The following GALNTL6 variants were observed in gnomAD, a reference collection of about 807,000 sequenced individuals.
GALNTL6 encodes polypeptide N-acetylgalactosaminyltransferase like 6.
A neutral mutation model predicts 73.7 loss-of-function variants in GALNTL6; 46 were observed. That is an observed-to-expected ratio of 0.62 (90% CI 0.49 to 0.80). The LOEUF is 0.80. Ranked by LOEUF, GALNTL6 falls within the 30% of genes least tolerant of loss-of-function variation. GALNTL6 has a pLI of 0.00. For synonymous variants in GALNTL6, 259 were observed against 263.7 expected, an observed-to-expected ratio of 0.98 and a Z score of 0.17; for missense variants, 604 against 755.0, an observed-to-expected ratio of 0.80 and a Z score of 2.34.
chr4:172,927,062 T>C (rs927006147), intron 8 of GALNTL6, among the ~76,000 whole-genome samples: 1 of 152,140 alleles, frequency 6.6e-6, no homozygotes, highest in Non-Finnish European at 1.5e-5. Flanking sequence ...AGCAACCCCG[T>C]CCCCATCCAT....
chr4:172,915,217 A>G (rs1375111006), intron 8 of GALNTL6, among the ~76,000 whole-genome samples: 1 of 152,250 alleles, frequency 6.6e-6, no homozygotes, highest in Non-Finnish European at 1.5e-5. Flanking sequence ...CAAAGACAGA[A>G]CATACCAGAA....
intron 4 of GALNTL6, among the ~76,000 whole-genome samples, chr4:172,344,525 C>G (rs906545306): frequency 4.6e-5 from 7 of 152,202 alleles, no homozygotes; most frequent in African/African-American, 1.7e-4. Flanking sequence ...TGCTTCTACT[C>G]TTTGCCATCT....
intron 5 of GALNTL6, among the ~76,000 whole-genome samples, chr4:172,789,471 GC>G (rs934499179): frequency 1.3e-5 from 2 of 152,020 alleles, no homozygotes; most frequent in Non-Finnish European, 2.9e-5. Flanking sequence ...TTTATGTGTG[GC>G]CCAATATAAT....
chr4:172,666,761 T>C (rs1731690125), intron 5 of GALNTL6: 1 of 152,168 alleles, frequency 6.6e-6, no homozygotes, highest in Non-Finnish European at 1.5e-5. Flanking sequence ...ATTTAAAGCA[T>C]CTCCCTCTCT....
intron 8 of GALNTL6, among the ~76,000 whole-genome samples, chr4:172,890,043 A>AGGTG (rs1745945425): frequency 6.6e-6 from 1 of 152,128 alleles, no homozygotes; most frequent in East Asian, 1.9e-4. Flanking sequence ...GTATGCACAG[A>AGGTG]GGTGTTCATA....
chr4:172,309,228 C>A (rs1003659533), intron 3 of GALNTL6, among the ~76,000 whole-genome samples: 2 of 151,740 alleles, frequency 1.3e-5, no homozygotes, highest in African/African-American at 2.4e-5. Context: ...GCTGTCAGGG[C>A]TATTGAATTT....
At chr4:172,289,801 A>G (rs989314604) in intron 3 of GALNTL6, among the ~76,000 whole-genome samples, 1 of 152,188 alleles carries the variant, frequency 6.6e-6, no homozygotes, top group Non-Finnish European at 1.5e-5. Flanking sequence ...AGTGAGTAGT[A>G]TATGGTTCAG....
intron 2 of GALNTL6, among the ~76,000 whole-genome samples, chr4:171,924,235 G>T (rs1485972416): frequency 6.6e-6 from 1 of 150,846 alleles, no homozygotes; most frequent in Non-Finnish European, 1.5e-5. Flanking sequence ...CACAGAGTTT[G>T]TCCAGTGGTG....
intron 2 of GALNTL6, among the ~76,000 whole-genome samples, chr4:172,087,406 C>T (rs1284137424): frequency 2.1e-5 from 3 of 145,740 alleles, no homozygotes; most frequent in Admixed American, 1.4e-4. Context: ...GGTCGCGCCA[C>T]TGCACTCCAG....
chr4:172,347,843 A>T (rs1741802420), intron 4 of GALNTL6, among the ~76,000 whole-genome samples: 2 of 152,172 alleles, frequency 1.3e-5, no homozygotes, highest in Admixed American at 6.5e-5. Context: ...AAGGAATACA[A>T]TTTTAAAAAT....
At chr4:173,026,652 ATATCT>A (rs777950942) in intron 12 of GALNTL6, among the ~76,000 whole-genome samples, 23 of 152,128 alleles carry the variant, frequency 1.5e-4, no homozygotes, top group Non-Finnish European at 1.8e-4. Flanking sequence ...GCCATTTTGG[ATATCT>A]TATTTGTGCA....
At chr4:171,904,442 G>T (rs1289688506) in intron 2 of GALNTL6, among the ~76,000 whole-genome samples, 2 of 152,106 alleles carry the variant, frequency 1.3e-5, no homozygotes, top group African/African-American at 4.8e-5. Flanking sequence ...GAAGTTCGGA[G>T]AAAAAAGAAT....
chr4:172,703,154 A>G (rs2111297555), intron 5 of GALNTL6, among the ~76,000 whole-genome samples: 1 of 152,108 alleles, frequency 6.6e-6, no homozygotes, highest in African/African-American at 2.4e-5. Context: ...AAAAAATCTT[A>G]TAAATTTTTA....
intron 2 of GALNTL6, among the ~76,000 whole-genome samples, chr4:172,075,907 T>C (rs1245706466): frequency 6.6e-6 from 1 of 152,232 alleles, no homozygotes; most frequent in African/African-American, 2.4e-5. Context: ...CCTTTAAATA[T>C]GTGTCCTTAA....
At chr4:172,289,464 T>C (rs1739385588) in intron 3 of GALNTL6, among the ~76,000 whole-genome samples, 1 of 152,240 alleles carries the variant, frequency 6.6e-6, no homozygotes, top group South Asian at 2.1e-4. Flanking sequence ...TTTACCTTTC[T>C]ACCTGGCATT....
intron 11 of GALNTL6, among the ~76,000 whole-genome samples, chr4:173,012,412 A>T (rs1291398218): frequency 6.6e-6 from 1 of 152,160 alleles, no homozygotes; most frequent in Non-Finnish European, 1.5e-5. Context: ...ACAGCCACAG[A>T]ACAAGTCCAC....
chr4:172,057,720 AAAAAAAAATATATAT>A (rs1319728407), intron 2 of GALNTL6, among the ~76,000 whole-genome samples: 1 of 77,450 alleles, frequency 1.3e-5, no homozygotes, highest in African/African-American at 4.9e-5. Flanking sequence ...AAAAAAAAAA[AAAAAAAAATATATAT>A]ATATATATAT....
At chr4:172,102,234 G>GAT (rs1328839296) in intron 2 of GALNTL6, among the ~76,000 whole-genome samples, 1 of 152,112 alleles carries the variant, frequency 6.6e-6, no homozygotes, top group African/African-American at 2.4e-5. Context: ...AGAAAGCTAG[G>GAT]ATATGTCTTC....
At chr4:172,009,250 G>A (rs917036005) in intron 2 of GALNTL6, among the ~76,000 whole-genome samples, 9 of 152,012 alleles carry the variant, frequency 5.9e-5, no homozygotes, top group African/African-American at 2.2e-4. Flanking sequence ...GCTGGTGAGG[G>A]TAGAATTGTG....
Sources: gnomAD v4.1 joint callset for allele counts (sites outside exome capture counted in the v4.1 genomes callset) on GRCh38, gnomAD v4.1.1 for gene constraint, MANE v1.5 for transcripts, NCBI Gene and HGNC (gene_info 2026-07-23, HGNC 2026-07-21) for gene names.